The following BNC2 variants were observed in gnomAD, a reference collection of about 807,000 sequenced individuals.
BNC2 encodes the protein basonuclin zinc finger protein 2.
A neutral mutation model predicts 76.3 loss-of-function variants in BNC2; 20 were observed. That is an observed-to-expected ratio of 0.26 (90% CI 0.18 to 0.38). BNC2 has a LOEUF of 0.38. BNC2 is among the 10% of genes least tolerant of loss of function. BNC2 has a pLI of 1.00. For missense variants in BNC2, 1,382 were observed against 1,399.8 expected (o/e 0.99, Z 0.20); for synonymous variants, 582 against 514.8 (o/e 1.13, Z -1.77).
chr9:16,748,948 A>ATG (rs1414616822), intron 1 of BNC2, among the ~76,000 whole-genome samples: 5 of 138,256 alleles, frequency 3.6e-5, no homozygotes, highest in African/African-American at 1.3e-4. Context: ...ATATATATAT[A>ATG]TGAAATTAAC....
chr9:16,558,656 T>C (rs1195582767), intron 4 of BNC2, among the ~76,000 whole-genome samples: 4 of 152,230 alleles, frequency 2.6e-5, no homozygotes, highest in East Asian at 3.9e-4. Flanking sequence ...CAACGTCAGG[T>C]GCGGTGGCTC....
chr9:16,493,203 T>C (rs1057098017), intron 5 of BNC2, among the ~76,000 whole-genome samples: 1 of 152,272 alleles, frequency 6.6e-6, no homozygotes, highest in East Asian at 1.9e-4. Context: ...CTGATCTGTG[T>C]TTCTCAGAAA....
chr9:16,508,858 T>C (rs1343322166), intron 5 of BNC2, among the ~76,000 whole-genome samples: 1 of 150,878 alleles, frequency 6.6e-6, no homozygotes, highest in Non-Finnish European at 1.5e-5. Context: ...TGTCTTGCTC[T>C]GTCACCGAGG....
At chr9:16,566,875 T>C (rs1819185748) in intron 4 of BNC2, among the ~76,000 whole-genome samples, 1 of 152,216 alleles carries the variant, frequency 6.6e-6, no homozygotes, top group South Asian at 2.1e-4. Context: ...AATTAATCTC[T>C]TTTTAGTATG....
chr9:16,700,956 A>G (rs1048847620), intron 3 of BNC2, among the ~76,000 whole-genome samples: 4 of 152,286 alleles, frequency 2.6e-5, no homozygotes, highest in African/African-American at 9.6e-5. Flanking sequence ...TAATAAATAA[A>G]ATTATACTGA....
chr9:16,585,019 G>A (rs1184121913), intron 3 of BNC2, among the ~76,000 whole-genome samples: 1 of 152,072 alleles, frequency 6.6e-6, no homozygotes, highest in East Asian at 1.9e-4. Flanking sequence ...AATAAAATGA[G>A]ATGGTATTTC....
At chr9:16,661,794 A>G (rs1473769854) in intron 3 of BNC2, among the ~76,000 whole-genome samples, 1 of 152,226 alleles carries the variant, frequency 6.6e-6, no homozygotes, top group African/African-American at 2.4e-5. Context: ...CACATAAGAA[A>G]AATTATTTTG....
chr9:16,753,871 T>C (rs1054253585), intron 1 of BNC2, among the ~76,000 whole-genome samples: 2 of 18,322 alleles, frequency 1.1e-4, no homozygotes, highest in Non-Finnish European at 1.9e-4. Flanking sequence ...GTTACAGTAA[T>C]CCATACTTTA....
intron 6 of BNC2, among the ~76,000 whole-genome samples, chr9:16,433,538 C>T (rs1028301822): frequency 2.0e-5 from 3 of 152,130 alleles, no homozygotes; most frequent in South Asian, 4.1e-4. Flanking sequence ...ATCCTGATAC[C>T]TACAATAAAA....
chr9:16,582,171 T>C (rs1283606775), intron 4 of BNC2, among the ~76,000 whole-genome samples: 1 of 152,162 alleles, frequency 6.6e-6, no homozygotes, highest in Non-Finnish European at 1.5e-5. Context: ...GATTTCTTTT[T>C]ATAAACATTA....
In BNC2 at chr9:16,434,717, T is replaced by G. The variant is rs1199532050; in HGVS notation, c.2639+838A>C. The G allele has an allele frequency of 7.3e-6, 3 of 411,654 alleles. No individual in the cohort carries two copies. In the East Asian group the frequency reaches 2.1e-4, roughly 29 times the overall value. 25.5% of individuals were successfully genotyped at this position (411,654 alleles called of 1,614,324 possible). Reference sequence around the variant, plus strand: ...AGGTTTAGGACCATCTGCTTCTGCTTAAGCCCAACTGTTTCAGAGCTGCAA... The same window carrying G: ...AGGTTTAGGACCATCTGCTTCTGCTGAAGCCCAACTGTTTCAGAGCTGCAA... On this transcript the variant is annotated intron_variant, in intron 6 of 6. Transcript: ENST00000380672.
intron 1 of BNC2, among the ~76,000 whole-genome samples, chr9:16,772,885 G>T (rs1239859647): frequency 1.7e-4 from 26 of 152,108 alleles, no homozygotes; most frequent in Admixed American, 1.7e-3. Context: ...ACAACACAAG[G>T]GAAATCTTGT....
rs1312246543 is a variant in BNC2 at position 16,436,312 on chromosome 9, C to T, written c.1882G>A (p.Ala628Thr). 1.2e-6 allele frequency: 2 copies of T among 1,613,978 alleles called. No homozygotes were observed. Among genetic ancestry groups the T allele is most frequent in the Admixed American group, 1.7e-5 (1 of 59,988 alleles). Residue 628 changes from alanine to threonine, a missense_variant, in exon 6 of 7, where the codon GCA becomes ACA. Coordinates refer to ENST00000380672, the MANE Select transcript of BNC2 (RefSeq NM_017637.6). The part of the protein sequence containing the change: ...MATHEPSADL[A>T]PKKKPRKSSM... ...GACTTCCTGGGCTTTTTCTTGGGTG[C>T]CAGGTCAGCACTGGGCTCATGGGTG...
intron 3 of BNC2, among the ~76,000 whole-genome samples, chr9:16,708,503 A>T (rs1372708908): frequency 1.3e-5 from 2 of 152,166 alleles, no homozygotes; most frequent in African/African-American, 2.4e-5. Context: ...CAGTTAACAG[A>T]CACCAACCCT....
At chr9:16,809,648 C>G (rs375326158) in intron 1 of BNC2, among the ~76,000 whole-genome samples, 3 of 151,892 alleles carry the variant, frequency 2.0e-5, no homozygotes, top group Non-Finnish European at 4.4e-5. Context: ...TGTGGTGGCG[C>G]GTGCCTGTAG....
chr9:16,413,025 T>A lies in BNC2; in HGVS notation c.*5964A>T, dbSNP rs1182057392. 2 of 152,648 alleles carry A rather than the reference T, an allele frequency of 1.3e-5. No individual in the cohort carries two copies. Among genetic ancestry groups the A allele is most frequent in the Admixed American group, 6.5e-5 (1 of 15,280 alleles). The allele number at this position is 152,648 out of a possible 1,614,324, so 9.5% of individuals were successfully genotyped here. Reference sequence around the variant, plus strand: ...GACAGTCTTGTCAGCAGCGTTCACATTACTGGAAGGTAATAAAGTGACAAG... The same window carrying A: ...GACAGTCTTGTCAGCAGCGTTCACAATACTGGAAGGTAATAAAGTGACAAG... On this transcript the variant is annotated 3_prime_UTR_variant, in exon 7 of 7. Transcript: ENST00000380672.
chr9:16,587,083 T>C (rs1819793454), intron 3 of BNC2, among the ~76,000 whole-genome samples: 1 of 152,200 alleles, frequency 6.6e-6, no homozygotes, highest in Admixed American at 6.5e-5. Flanking sequence ...CTATTACTTT[T>C]ATTTCACAGA....
At chr9:16,707,770 T>C (rs934358927) in intron 3 of BNC2, among the ~76,000 whole-genome samples, 12 of 152,086 alleles carry the variant, frequency 7.9e-5, no homozygotes, top group African/African-American at 2.9e-4. Context: ...GCCTCCTGAG[T>C]AGCTGGGACT....
At chr9:16,494,775 T>A (rs1822351516) in intron 5 of BNC2, among the ~76,000 whole-genome samples, 1 of 151,894 alleles carries the variant, frequency 6.6e-6, no homozygotes, top group Non-Finnish European at 1.5e-5. Flanking sequence ...GAGTTTGGAT[T>A]TTCATGAGAA....
Sources: gnomAD v4.1 joint callset for allele counts (sites outside exome capture counted in the v4.1 genomes callset) on GRCh38, gnomAD v4.1.1 for gene constraint, MANE v1.5 for transcripts, NCBI Gene and HGNC (gene_info 2026-07-23, HGNC 2026-07-21) for gene names.